Variants in SPATA6 observed in about 807,000 individuals in gnomAD.
SPATA6 encodes the protein spermatogenesis associated 6.
Under a neutral mutation model 65.3 loss-of-function variants are expected in SPATA6, and 56 were observed. The observed-to-expected ratio is 0.86, with a 90% CI of 0.69 to 1.07. The LOEUF is 1.07. SPATA6 is among the 50% of genes least tolerant of loss of function. The pLI is 0.00. For synonymous variants in SPATA6, 199 were observed against 213.2 expected, an observed-to-expected ratio of 0.93 and a Z score of 0.58; for missense variants, 590 against 594.8, an observed-to-expected ratio of 0.99 and a Z score of 0.08.
At chr1:48,318,641 C>T (rs1158612230) in intron 11 of SPATA6, among the ~76,000 whole-genome samples, 3 of 152,052 alleles carry the variant, frequency 2.0e-5, no homozygotes, top group Admixed American at 1.3e-4. Context: ...TTTTAAAGTG[C>T]TATCTTCACA....
chr1:48,342,574 C>A (rs1273703673), intron 11 of SPATA6, among the ~76,000 whole-genome samples: 2 of 150,648 alleles, frequency 1.3e-5, no homozygotes, highest in Admixed American at 6.6e-5. Context: ...CAAGACTGTG[C>A]CACTGTACTC....
At chr1:48,363,193 G>T (rs565133987) in intron 9 of SPATA6, among the ~76,000 whole-genome samples, 1 of 152,182 alleles carries the variant, frequency 6.6e-6, no homozygotes, top group South Asian at 2.1e-4. Flanking sequence ...AAACGAAAGG[G>T]TACGTCTCTT....
chr1:48,373,526 T>C (rs2148866071), intron 9 of SPATA6, among the ~76,000 whole-genome samples: 1 of 152,342 alleles, frequency 6.6e-6, no homozygotes, highest in Middle Eastern at 3.4e-3. Flanking sequence ...AACCTCTGCC[T>C]GTTACCCAGT....
chr1:48,425,208 T>C (rs746874035), intron 3 of SPATA6, among the ~76,000 whole-genome samples: 1 of 152,212 alleles, frequency 6.6e-6, no homozygotes, highest in Non-Finnish European at 1.5e-5. Flanking sequence ...CTTTTGCATA[T>C]AGATACCCAG....
chr1:48,386,873 G>C (rs1053294567), intron 8 of SPATA6, among the ~76,000 whole-genome samples: 1 of 152,198 alleles, frequency 6.6e-6, no homozygotes, highest in East Asian at 1.9e-4. Flanking sequence ...ACTGTGAGCT[G>C]TCCTGGAGCC....
chr1:48,299,510 G>A (rs564600393), intron 12 of SPATA6, among the ~76,000 whole-genome samples: 368 of 20,676 alleles, frequency 0.018, 2 homozygotes, highest in Non-Finnish European at 0.034. Flanking sequence ...GCAAAACTCC[G>A]TCTCGGAAAA....
chr1:48,468,366 C>T (rs923314347), intron 1 of SPATA6, among the ~76,000 whole-genome samples: 1 of 152,220 alleles, frequency 6.6e-6, no homozygotes, highest in Non-Finnish European at 1.5e-5. Flanking sequence ...TTGGTTCTAT[C>T]AGTAGTACCT....
intron 11 of SPATA6, among the ~76,000 whole-genome samples, chr1:48,340,241 TAAAAAAAAA>T (rs58721253): frequency 1.3e-3 from 70 of 53,064 alleles, no homozygotes; most frequent in East Asian, 5.2e-3. Context: ...AGGCCTGCAC[TAAAAAAAAA>T]AAAAAAAAAA....
chr1:48,309,628 C>A (rs1250363411), intron 11 of SPATA6, among the ~76,000 whole-genome samples: 1 of 152,078 alleles, frequency 6.6e-6, no homozygotes, highest in Non-Finnish European at 1.5e-5. Context: ...TTTAGTGAGT[C>A]CAATGTGTAA....
At chr1:48,347,739 T>C (rs961700435) in intron 11 of SPATA6, among the ~76,000 whole-genome samples, 7 of 151,872 alleles carry the variant, frequency 4.6e-5, no homozygotes, top group Admixed American at 1.3e-4. Flanking sequence ...AACATCACTA[T>C]TGTGAAACCT....
At chr1:48,436,026 A>G in intron 3 of SPATA6, 1 of 1,608,856 alleles carries the variant, frequency 6.2e-7, no homozygotes, top group Non-Finnish European at 8.5e-7. Context: ...TCAGACCTGA[A>G]AAACAGTCTG....
chr1:48,287,987 A>G, the SPATA6 span, among the ~76,000 whole-genome samples: 1 of 152,112 alleles, frequency 6.6e-6, no homozygotes, highest in South Asian at 2.1e-4. Context: ...CTGTATATCT[A>G]TTTTGTTTAA....
chr1:48,336,701 A>T (rs1190267196), intron 11 of SPATA6, among the ~76,000 whole-genome samples: 1 of 151,892 alleles, frequency 6.6e-6, no homozygotes, highest in Non-Finnish European at 1.5e-5. Flanking sequence ...TACCCCAGTG[A>T]GGAAATATTC....
At chr1:48,322,612 T>C (rs1438893235) in intron 11 of SPATA6, among the ~76,000 whole-genome samples, 2 of 152,304 alleles carry the variant, frequency 1.3e-5, no homozygotes, top group South Asian at 4.1e-4. Context: ...CAAAAGAAAC[T>C]GTCATCAGTG....
chr1:48,317,852 T>C (rs1342824086), intron 11 of SPATA6, among the ~76,000 whole-genome samples: 1 of 152,078 alleles, frequency 6.6e-6, no homozygotes, highest in East Asian at 1.9e-4. Flanking sequence ...AAAAGCACAA[T>C]TTAAAAAAAC....
intron 6 of SPATA6, among the ~76,000 whole-genome samples, chr1:48,401,751 T>C (rs754168923): frequency 2.8e-4 from 42 of 151,894 alleles, no homozygotes; most frequent in Non-Finnish European, 3.1e-4. Context: ...AAACCATTCA[T>C]CCCTAGCCAA....
intron 8 of SPATA6, among the ~76,000 whole-genome samples, chr1:48,391,041 C>G (rs1264777188): frequency 6.6e-6 from 1 of 151,882 alleles, no homozygotes; most frequent in Non-Finnish European, 1.5e-5. Context: ...TAATATATAG[C>G]ATGATCACAA....
At chr1:48,460,989 G>C (rs977053676) in intron 1 of SPATA6, among the ~76,000 whole-genome samples, 2 of 151,584 alleles carry the variant, frequency 1.3e-5, no homozygotes, top group Non-Finnish European at 2.9e-5. Flanking sequence ...AATAAATAAA[G>C]CTCTTAAGAA....
chr1:48,376,787 C>A (rs1312109757), intron 9 of SPATA6, among the ~76,000 whole-genome samples: 1 of 152,100 alleles, frequency 6.6e-6, no homozygotes, highest in Non-Finnish European at 1.5e-5. Flanking sequence ...CATACCTAGG[C>A]TATAATGGTA....
Sources: allele counts gnomAD v4.1 joint callset (sites outside exome capture counted in the v4.1 genomes callset), GRCh38; gene constraint gnomAD v4.1.1; transcripts MANE v1.5; gene names NCBI Gene and HGNC (gene_info 2026-07-23, HGNC 2026-07-21).